CAMTA1: variants seen among roughly 807,000 people sequenced by gnomAD.
CAMTA1 encodes the protein calmodulin-binding transcription activator 1.
CAMTA1 carries 27 observed loss-of-function variants against 170.9 expected under a neutral mutation model. The ratio of observed to expected loss-of-function variants is 0.16; its 90% CI spans 0.12 to 0.22. The LOEUF is 0.22. CAMTA1 is among the 10% of genes least tolerant of loss of function. The pLI, the probability that CAMTA1 is intolerant of heterozygous loss-of-function variation, is 1.00. For synonymous variants in CAMTA1, 833 were observed against 891.5 expected, an observed-to-expected ratio of 0.93 and a Z score of 1.17; for missense variants, 1,619 against 2,217.2, an observed-to-expected ratio of 0.73 and a Z score of 5.42.
At chr1:7,254,958 A>T (rs959576249) in intron 5 of CAMTA1, among the ~76,000 whole-genome samples, 6 of 152,244 alleles carry the variant, frequency 3.9e-5, no homozygotes, top group Non-Finnish European at 7.3e-5. Context: ...CAGAAGGCAA[A>T]CAAACCAGCA....
chr1:7,301,099 G>A (rs893673340), intron 5 of CAMTA1, among the ~76,000 whole-genome samples: 1 of 152,150 alleles, frequency 6.6e-6, no homozygotes, highest in African/African-American at 2.4e-5. Flanking sequence ...CCAGAAATAT[G>A]ACGTGAGGGT....
intron 5 of CAMTA1, among the ~76,000 whole-genome samples, chr1:7,405,720 A>G (rs2090236596): frequency 1.4e-5 from 2 of 147,916 alleles, no homozygotes; most frequent in Admixed American, 1.4e-4. Context: ...ACCAGGCCTC[A>G]GTTTCCTGAT....
intron 5 of CAMTA1, among the ~76,000 whole-genome samples, chr1:7,345,774 T>C (rs2084176966): frequency 6.6e-6 from 1 of 152,196 alleles, no homozygotes; most frequent in Non-Finnish European, 1.5e-5. Flanking sequence ...GCAGGCTGAC[T>C]TTTTAAGAAA....
At chr1:7,684,589 C>T (rs2149344073) in intron 11 of CAMTA1, among the ~76,000 whole-genome samples, 1 of 152,336 alleles carries the variant, frequency 6.6e-6, no homozygotes, top group Admixed American at 6.5e-5. Context: ...TCTCTGCCTG[C>T]ACTGTCCTCC....
chr1:7,027,806 G>C (rs1172553779), intron 3 of CAMTA1, among the ~76,000 whole-genome samples: 3 of 152,170 alleles, frequency 2.0e-5, no homozygotes, highest in Non-Finnish European at 4.4e-5. Flanking sequence ...GGTTGGGCAT[G>C]GATACAAAGA....
intron 6 of CAMTA1, among the ~76,000 whole-genome samples, chr1:7,469,879 G>A (rs1215942758): frequency 1.3e-5 from 2 of 152,134 alleles, no homozygotes; most frequent in African/African-American, 2.4e-5. Flanking sequence ...TCCTCAACTC[G>A]GGCCAAGCGA....
intron 4 of CAMTA1, among the ~76,000 whole-genome samples, chr1:7,158,810 T>G (rs1647038804): frequency 6.6e-6 from 1 of 152,226 alleles, no homozygotes. Context: ...TTTGGATTCA[T>G]GCACATCTGG....
chr1:7,707,817 T>A (rs1271852392), intron 11 of CAMTA1, among the ~76,000 whole-genome samples: 2 of 152,246 alleles, frequency 1.3e-5, no homozygotes, highest in African/African-American at 2.4e-5. Flanking sequence ...TTCATAGTCA[T>A]GGAGACCTTC....
chr1:7,309,027 C>G (rs1676031575), intron 5 of CAMTA1, among the ~76,000 whole-genome samples: 1 of 152,116 alleles, frequency 6.6e-6, no homozygotes. Context: ...ATCATTATGT[C>G]TCTTTTATTA....
Position 7,435,006 on chromosome 1 carries a change from C to T in CAMTA1, c.439-32824C>T, listed in dbSNP as rs533775847. ...GGTTGAGGCTGCAGTGAGCTGAGAT[C>T]CCACCACTGCACTCCAGCCTGGGTG... On this transcript the variant is annotated intron_variant, in intron 5 of 22. Coordinates refer to ENST00000303635, the MANE Select transcript of CAMTA1 (RefSeq NM_015215.4). The surrounding 1 kb of genome is among the most constrained non-coding windows in gnomAD (Gnocchi z 4.4). Among the ~76,000 whole-genome samples, 1 of 152,036 alleles carries T rather than the reference C, an allele frequency of 6.6e-6. No individual in the cohort carries two copies. The highest frequency in any genetic ancestry group is 1.5e-5 in the Non-Finnish European group (1 of 68,008).
At chr1:7,617,410 C>T (rs1476821971) in intron 6 of CAMTA1, among the ~76,000 whole-genome samples, 1 of 152,220 alleles carries the variant, frequency 6.6e-6, no homozygotes, top group East Asian at 1.9e-4. Flanking sequence ...AGACAACCCT[C>T]TGCCTGAAAT....
intron 5 of CAMTA1, among the ~76,000 whole-genome samples, chr1:7,269,416 G>GT (rs1433210148): frequency 6.6e-6 from 1 of 152,202 alleles, no homozygotes; most frequent in Admixed American, 6.5e-5. Flanking sequence ...AGAAGTCACA[G>GT]TTTTTTGTAA....
intron 6 of CAMTA1, among the ~76,000 whole-genome samples, chr1:7,632,464 C>T (rs765839796): frequency 6.6e-6 from 1 of 152,248 alleles, no homozygotes. Context: ...AGAAACGGAA[C>T]GCCATGCCAC....
At chr1:6,816,442 A>G (rs866494648) in intron 1 of CAMTA1, among the ~76,000 whole-genome samples, 19 of 152,150 alleles carry the variant, frequency 1.2e-4, no homozygotes, top group Admixed American at 2.0e-4. Flanking sequence ...ATAGTTGTAG[A>G]ACAAATGGAA....
intron 17 of CAMTA1, 32 bp from the exon 18 acceptor site, chr1:7,745,813 A>T: frequency 6.2e-7 from 1 of 1,612,446 alleles, no homozygotes; most frequent in Non-Finnish European, 8.5e-7. Flanking sequence ...TCAATCATTA[A>T]TCTGTCTCTC....
intron 6 of CAMTA1, among the ~76,000 whole-genome samples, chr1:7,521,847 C>T (rs966933136): frequency 2.0e-5 from 3 of 152,200 alleles, no homozygotes; most frequent in Non-Finnish European, 4.4e-5. Flanking sequence ...GCGCTCACTC[C>T]ACAGTTCCTT....
At chr1:6,864,050 G>A (rs1665730718) in intron 3 of CAMTA1, among the ~76,000 whole-genome samples, 2 of 152,102 alleles carry the variant, frequency 1.3e-5, no homozygotes, top group African/African-American at 4.8e-5. Context: ...GACCACAGCG[G>A]CAAAGTACCA....
chr1:7,197,160 G>A (rs1358622877), intron 4 of CAMTA1, among the ~76,000 whole-genome samples: 3 of 152,232 alleles, frequency 2.0e-5, no homozygotes, highest in Admixed American at 2.0e-4. Context: ...CACTCTGGAA[G>A]TGTACATTTC....
At chr1:6,823,788 A>G (rs1000696566) in intron 2 of CAMTA1, among the ~76,000 whole-genome samples, 3 of 152,178 alleles carry the variant, frequency 2.0e-5, no homozygotes, top group African/African-American at 7.2e-5. Context: ...AAGCCGTAGT[A>G]AATAACTGGA....
Sources: gnomAD v4.1 joint callset for allele counts (sites outside exome capture counted in the v4.1 genomes callset) on GRCh38, gnomAD v4.1.1 for gene constraint, Gnocchi (gnomAD v3.1) non-coding constraint, MANE v1.5 for transcripts, NCBI Gene and HGNC (gene_info 2026-07-23, HGNC 2026-07-21) for gene names.